Variants in BTBD9 observed in about 807,000 individuals in gnomAD.
BTBD9 encodes BTB/POZ domain-containing protein 9.
BTBD9 carries 49 observed loss-of-function variants against 64.3 expected under a neutral mutation model. The observed-to-expected ratio is 0.76, with a 90% CI of 0.61 to 0.97. BTBD9 has a LOEUF of 0.97. Among genes scored for constraint, BTBD9 ranks in the 50% least tolerant of loss-of-function variants. The probability of loss-of-function intolerance (pLI) is 0.00; values close to 1 mark genes in which losing one functional copy is unlikely to be tolerated. For missense variants in BTBD9, 598 were observed against 762.1 expected (o/e 0.78, Z 2.53); for synonymous variants, 260 against 274.7 (o/e 0.95, Z 0.53).
chr6:38,183,255 G>C (rs1011559996), intron 10 of BTBD9, among the ~76,000 whole-genome samples: 1 of 152,198 alleles, frequency 6.6e-6, no homozygotes, highest in African/African-American at 2.4e-5. Flanking sequence ...GGGATTACAG[G>C]TGTGAGCCAC....
intron 6 of BTBD9, among the ~76,000 whole-genome samples, chr6:38,506,197 TG>T (rs1249728711): frequency 1.3e-5 from 2 of 152,138 alleles, no homozygotes; most frequent in African/African-American, 4.8e-5. Flanking sequence ...TGTTTTACAA[TG>T]AGTTAAGTTC....
chr6:38,547,934 G>A lies in BTBD9; in HGVS notation c.1154+29666C>T, dbSNP rs150049051. Among the ~76,000 whole-genome samples, 807 of 152,186 alleles carry A rather than the reference G, an allele frequency of 5.3e-3. 3 individuals carry two copies. Among genetic ancestry groups the A allele is most frequent in the African/African-American group, 0.018 (759 of 41,520 alleles). On this transcript the variant is annotated intron_variant, in intron 6 of 10. Transcript: ENST00000481247. ...CACTGTAGACTTTCAGTAATTATGT[G>A]TTAAATGAATACATGAATGAAGTTT...
intron 4 of BTBD9, among the ~76,000 whole-genome samples, chr6:38,583,562 T>G (rs1415800566): frequency 6.6e-6 from 1 of 152,210 alleles, no homozygotes; most frequent in Admixed American, 6.5e-5. Context: ...ATTTAGAATC[T>G]AATGCCACTT....
chr6:38,335,710 C>T lies in BTBD9; in HGVS notation c.1264+9274G>A, dbSNP rs189196983. ...CCTCCCGAGTAGCTGAGACTACAGG[C>T]GTGCGCCACCATGCCCAGCTAATTT... On this transcript the variant is annotated intron_variant, in intron 7 of 10. Transcript: ENST00000481247. 8.6e-5 allele frequency among the ~76,000 whole-genome samples: 13 copies of T among 151,404 alleles called. No individual in the cohort carries two copies. In the East Asian group the frequency reaches 2.1e-3, roughly 25 times the overall value.
intron 6 of BTBD9, among the ~76,000 whole-genome samples, chr6:38,417,677 G>A (rs755322913): frequency 7.9e-5 from 12 of 152,002 alleles, no homozygotes; most frequent in Non-Finnish European, 1.5e-4. Context: ...GGGGGCTGAG[G>A]TGGGAGGATC....
At chr6:38,380,343 G>A (rs1025468953) in intron 6 of BTBD9, among the ~76,000 whole-genome samples, 2 of 152,214 alleles carry the variant, frequency 1.3e-5, no homozygotes, top group Non-Finnish European at 2.9e-5. Context: ...AGGAAAATCT[G>A]AGATGCAAGA....
At chr6:38,452,897 A>C (rs1294769284) in intron 6 of BTBD9, among the ~76,000 whole-genome samples, 1 of 152,154 alleles carries the variant, frequency 6.6e-6, no homozygotes, top group African/African-American at 2.4e-5. Context: ...ACTGAGGAAA[A>C]GGACATCAAT....
At chr6:38,608,505 G>A (rs1200366503) in intron 1 of BTBD9, among the ~76,000 whole-genome samples, 1 of 152,066 alleles carries the variant, frequency 6.6e-6, no homozygotes, top group East Asian at 1.9e-4. Flanking sequence ...AATTAATAAA[G>A]GTTATTATAG....
intron 7 of BTBD9, among the ~76,000 whole-genome samples, chr6:38,317,313 A>T (rs1763064485): frequency 1.3e-5 from 2 of 152,108 alleles, no homozygotes; most frequent in African/African-American, 4.8e-5. Flanking sequence ...CAGTTTAAAC[A>T]TGTCATGCCA....
chr6:38,376,227 T>A (rs1308736844), intron 6 of BTBD9, among the ~76,000 whole-genome samples: 1 of 152,168 alleles, frequency 6.6e-6, no homozygotes, highest in East Asian at 1.9e-4. Flanking sequence ...TCACAGGGAA[T>A]GATTTAAGCT....
At chr6:38,239,348 G>A (rs1347730947) in intron 9 of BTBD9, among the ~76,000 whole-genome samples, 1 of 150,542 alleles carries the variant, frequency 6.6e-6, no homozygotes, top group Admixed American at 6.7e-5. Flanking sequence ...GCTGAGGCAG[G>A]AGAACTGCTT....
At chr6:38,213,266 T>A (rs1031120140) in intron 9 of BTBD9, among the ~76,000 whole-genome samples, 7 of 152,132 alleles carry the variant, frequency 4.6e-5, no homozygotes, top group South Asian at 2.1e-4. Context: ...TGGGGAGATA[T>A]TCAGTAAAAA....
chr6:38,231,545 T>A (rs1479134423), intron 9 of BTBD9, among the ~76,000 whole-genome samples: 1 of 152,250 alleles, frequency 6.6e-6, no homozygotes, highest in African/African-American at 2.4e-5. Context: ...ATTTCAAAAA[T>A]CTGAATTTTA....
chr6:38,332,520 G>A (rs1410586177), intron 7 of BTBD9, among the ~76,000 whole-genome samples: 1 of 152,046 alleles, frequency 6.6e-6, no homozygotes, highest in Non-Finnish European at 1.5e-5. Context: ...GTTTGTTCTT[G>A]CATTAATGCC....
At chr6:38,353,490 A>G (rs1419668490) in intron 6 of BTBD9, among the ~76,000 whole-genome samples, 1 of 152,152 alleles carries the variant, frequency 6.6e-6, no homozygotes, top group African/African-American at 2.4e-5. Context: ...TGAACAAACC[A>G]ACCCCTTCTC....
At chr6:38,182,838 T>C (rs959309803) in intron 10 of BTBD9, among the ~76,000 whole-genome samples, 1 of 152,210 alleles carries the variant, frequency 6.6e-6, no homozygotes, top group Admixed American at 6.5e-5. Flanking sequence ...GAATTATTGT[T>C]GCTCCAATAT....
At chr6:38,588,064 G>T in intron 4 of BTBD9, 1 of 726,026 alleles carries the variant, frequency 1.4e-6, no homozygotes, top group Non-Finnish European at 2.6e-6. Context: ...AAAGTCAGCT[G>T]TATCAATAGT....
intron 7 of BTBD9, among the ~76,000 whole-genome samples, chr6:38,344,604 T>C (rs117394631): frequency 0.037 from 5,604 of 152,254 alleles, 184 homozygotes; most frequent in East Asian, 0.11. Flanking sequence ...CCAAAATACC[T>C]GCACAGCCAT....
chr6:38,206,845 C>T (rs1393491341), intron 9 of BTBD9, among the ~76,000 whole-genome samples: 1 of 144,092 alleles, frequency 6.9e-6, no homozygotes, highest in Non-Finnish European at 1.5e-5. Context: ...AGATACAGAC[C>T]AAAAAAAAAA....
Sources: gnomAD v4.1 joint callset for allele counts (sites outside exome capture counted in the v4.1 genomes callset) on GRCh38, gnomAD v4.1.1 for gene constraint, MANE v1.5 for transcripts, NCBI Gene and HGNC (gene_info 2026-07-23, HGNC 2026-07-21) for gene names.